ZNF148: variants seen among roughly 807,000 people sequenced by gnomAD.
ZNF148 encodes zinc finger protein 148, also known as Beta-Enolase Repressor Factor-1.
ZNF148 carries 7 observed loss-of-function variants against 67.7 expected under a neutral mutation model. The observed-to-expected ratio is 0.10, with a 90% confidence interval of 0.06 to 0.19. The LOEUF (loss-of-function observed/expected upper bound fraction) is 0.19. Ranked by LOEUF, ZNF148 falls within the 10% of genes least tolerant of loss-of-function variation. The probability of loss-of-function intolerance (pLI) is 1.00; values close to 1 mark genes in which losing one functional copy is unlikely to be tolerated. For missense variants in ZNF148, 583 were observed against 947.1 expected (o/e 0.62, Z 5.05); for synonymous variants, 333 against 330.7 (o/e 1.01, Z -0.08).
chr3:125,369,654 T>C (rs924667562), intron 1 of ZNF148, among the ~76,000 whole-genome samples: 32 of 152,092 alleles, frequency 2.1e-4, no homozygotes, highest in Admixed American at 5.2e-4. Flanking sequence ...TTTTTAAAAA[T>C]CAACTTTCTG....
rs59309462 is a variant in ZNF148 at position 125,255,236 on chromosome 3, CTTTTTTTTT to C, written c.668-20916_668-20908del. On this transcript the variant is annotated intron_variant, in intron 7 of 8. Coordinates refer to ENST00000360647, the MANE Select transcript of ZNF148 (RefSeq NM_021964.3). ...TTTAGTGATTTAATGTCTCCACCTG[CTTTTTTTTT>C]TTTTTTTTTTTTTTTTTTTGAGACG... Among the ~76,000 whole-genome samples, 9 of 62,172 alleles carry C rather than the reference CTTTTTTTTT, an allele frequency of 1.4e-4. 1 individual carries two copies. Among genetic ancestry groups the C allele is most frequent in the Non-Finnish European group, 2.0e-4 (7 of 35,748 alleles). 40.8% of individuals were successfully genotyped at this position (62,172 alleles called of 152,430 possible). A position where few individuals can be genotyped will look rare whatever the true frequency, so the allele number is the denominator to read the frequency against.
At chr3:125,342,142 A>AG (rs397705032) in intron 1 of ZNF148, among the ~76,000 whole-genome samples, 2 of 151,374 alleles carry the variant, frequency 1.3e-5, no homozygotes, top group African/African-American at 4.9e-5. Flanking sequence ...AAAAAAAAAA[A>AG]TCCAACATTC....
chr3:125,281,463 T>C (rs1938381318), intron 5 of ZNF148, among the ~76,000 whole-genome samples: 2 of 152,178 alleles, frequency 1.3e-5, no homozygotes, highest in African/African-American at 2.4e-5. Flanking sequence ...TTTTTTTTCA[T>C]GTATGTTGAT....
chr3:125,372,785 G>A (rs966178062), intron 1 of ZNF148, among the ~76,000 whole-genome samples: 2 of 151,958 alleles, frequency 1.3e-5, no homozygotes, highest in Non-Finnish European at 2.9e-5. Context: ...TCACCAACAC[G>A]GAGAAACTCC....
chr3:125,304,024 A>T (rs944294928), intron 4 of ZNF148, among the ~76,000 whole-genome samples: 2 of 152,246 alleles, frequency 1.3e-5, no homozygotes, highest in East Asian at 1.9e-4. Context: ...ATATAATTTT[A>T]AAATAAAAAA....
At chr3:125,238,567 GC>G (rs1936199672) in intron 7 of ZNF148, among the ~76,000 whole-genome samples, 1 of 152,078 alleles carries the variant, frequency 6.6e-6, no homozygotes, top group South Asian at 2.1e-4. Flanking sequence ...AGCAGAGGTT[GC>G]AGTGAGCCGA....
chr3:125,284,366 CT>C (rs572385215), intron 5 of ZNF148, among the ~76,000 whole-genome samples: 7 of 152,020 alleles, frequency 4.6e-5, no homozygotes, highest in Non-Finnish European at 1.0e-4. Flanking sequence ...CAAAAACAGA[CT>C]CAAAGGGGCA....
rs562392179 is a variant in ZNF148 at position 125,245,109 on chromosome 3, C to A, written c.668-10780G>T. Among the ~76,000 whole-genome samples, 13 of 152,222 alleles carry A rather than the reference C, an allele frequency of 8.5e-5. No individual in the cohort carries two copies. The South Asian group carries it at 2.7e-3, about 32-fold the overall frequency. On this transcript the variant is annotated intron_variant, in intron 7 of 8. Coordinates refer to ENST00000360647, the MANE Select transcript of ZNF148 (RefSeq NM_021964.3). ...TATCCAAACTGCTTATGTAATATAT[C>A]CACTTCTGTAACACTTAAGGATCTC...
chr3:125,290,725 C>T (rs1190396919), intron 4 of ZNF148, among the ~76,000 whole-genome samples: 3 of 151,974 alleles, frequency 2.0e-5, no homozygotes, highest in African/African-American at 7.2e-5. Context: ...ATTTCCTTTT[C>T]AAAGGTCTTA....
chr3:125,258,699 T>C (rs1937208579), intron 7 of ZNF148, among the ~76,000 whole-genome samples: 2 of 152,218 alleles, frequency 1.3e-5, no homozygotes, highest in South Asian at 4.1e-4. Context: ...AATCTTTTAG[T>C]GCTTCAGTTT....
intron 1 of ZNF148, among the ~76,000 whole-genome samples, chr3:125,348,363 C>A (rs762024975): frequency 7.9e-5 from 12 of 151,740 alleles, no homozygotes; most frequent in Non-Finnish European, 1.5e-4. Flanking sequence ...TACCTATAGT[C>A]CCAGCTACTC....
At chr3:125,288,074 G>C (rs202090278) in intron 5 of ZNF148, 29 bp downstream of exon 5, 34 of 1,613,056 alleles carry the variant, frequency 2.1e-5, no homozygotes, top group Middle Eastern at 1.6e-4. Context: ...TTAAGAGGTT[G>C]TGATTACCAC....
chr3:125,242,338 T>C (rs988598782), intron 7 of ZNF148, among the ~76,000 whole-genome samples: 2 of 152,212 alleles, frequency 1.3e-5, no homozygotes, highest in African/African-American at 2.4e-5. Context: ...ATCTCTCATA[T>C]GGCCGGGTGC....
chr3:125,327,149 G>A (rs1486958819), intron 2 of ZNF148, among the ~76,000 whole-genome samples: 1 of 152,028 alleles, frequency 6.6e-6, no homozygotes, highest in Non-Finnish European at 1.5e-5. Flanking sequence ...AGACTATAGA[G>A]ACAAAGAAAG....
At chr3:125,292,396 A>G (rs1024024793) in intron 4 of ZNF148, 2 of 152,208 alleles carry the variant, frequency 1.3e-5, no homozygotes, top group Non-Finnish European at 2.9e-5. Context: ...TCTGGTTACT[A>G]TATCAGCATC....
intron 1 of ZNF148, among the ~76,000 whole-genome samples, chr3:125,372,302 T>G (rs1002708437): frequency 2.6e-5 from 4 of 152,208 alleles, no homozygotes; most frequent in Admixed American, 6.5e-5. Context: ...GCTAAATCCC[T>G]AAAATACAAT....
chr3:125,325,668 T>A (rs1019643826), intron 2 of ZNF148, among the ~76,000 whole-genome samples: 4 of 152,124 alleles, frequency 2.6e-5, no homozygotes, highest in Non-Finnish European at 4.4e-5. Flanking sequence ...TTTCACCATG[T>A]TAGCCAAGCT....
chr3:125,260,720 A>G (rs1027167643), intron 7 of ZNF148, among the ~76,000 whole-genome samples: 4 of 152,216 alleles, frequency 2.6e-5, no homozygotes, highest in South Asian at 2.1e-4. Flanking sequence ...ACAGAACTAT[A>G]CACTAAAAAT....
intron 4 of ZNF148, among the ~76,000 whole-genome samples, chr3:125,299,915 A>T (rs1307759084): frequency 6.6e-6 from 1 of 152,206 alleles, no homozygotes; most frequent in Non-Finnish European, 1.5e-5. Context: ...CAATTAAACT[A>T]CTTGTGAAAA....
Sources: allele counts gnomAD v4.1 joint callset (sites outside exome capture counted in the v4.1 genomes callset), GRCh38; gene constraint gnomAD v4.1.1; transcripts MANE v1.5; gene names NCBI Gene and HGNC (gene_info 2026-07-23, HGNC 2026-07-21).